Variants in PPP2R1B observed in about 807,000 individuals in gnomAD.
PPP2R1B encodes the protein serine/threonine-protein phosphatase 2A 65 kDa regulatory subunit A beta isoform.
A neutral mutation model predicts 72.7 loss-of-function variants in PPP2R1B; 58 were observed. The observed-to-expected ratio is 0.80, with a 90% CI of 0.65 to 0.99. PPP2R1B has a LOEUF of 0.99. PPP2R1B is among the 50% of genes least tolerant of loss of function. The pLI, the probability that PPP2R1B is intolerant of heterozygous loss-of-function variation, is 0.00. For missense variants in PPP2R1B, 695 were observed against 733.6 expected, an observed-to-expected ratio of 0.95 and a Z score of 0.61; for synonymous variants, 256 against 264.6, an observed-to-expected ratio of 0.97 and a Z score of 0.32.
rs372801014 is a variant in PPP2R1B at position 111,749,694 on chromosome 11, A to T, written c.1339-1680T>A. On this transcript the variant is annotated intron_variant, in intron 10 of 14. Transcript: ENST00000527614. Reference sequence around the variant, plus strand: ...TATAAAATGACTATCTGATATAAAAATATTTAGATATGAAGAGAAATTAAG... The same window carrying T: ...TATAAAATGACTATCTGATATAAAATTATTTAGATATGAAGAGAAATTAAG... Among the ~76,000 whole-genome samples the T allele has an allele frequency of 1.1e-4, 17 of 152,346 alleles. No individual in the cohort carries two copies. In the South Asian group the frequency reaches 3.5e-3, roughly 32 times the overall value.
At chr11:111,705,053 T>C in the PPP2R1B span, 1 of 1,611,842 alleles carries the variant, frequency 6.2e-7, no homozygotes, top group Admixed American at 1.7e-5. The surrounding 1 kb of genome is among the most constrained non-coding windows in gnomAD (Gnocchi z 4.3). Flanking sequence ...GCGCCTGAAA[T>C]CACATCGGAG....
chr11:111,720,079 A>G, the PPP2R1B span: 1 of 1,424,770 alleles, frequency 7.0e-7, no homozygotes, highest in South Asian at 1.2e-5. Context: ...AGTGGTCACG[A>G]TGCCAGCCAA....
Position 111,742,521 on chromosome 11 carries a change from A to C in PPP2R1B, c.1697+2T>G, listed in dbSNP as rs757503067. On this transcript the variant is annotated splice_donor_variant, in intron 13 of 14. Transcript: ENST00000527614. LOFTEE classifies it high-confidence loss of function. Reference sequence around the variant, plus strand: ...AAACAAGACTAAACACTAAAATCTTACTTGGTATCTAGAATTGGTCCAATC... The same window carrying C: ...AAACAAGACTAAACACTAAAATCTTCCTTGGTATCTAGAATTGGTCCAATC... The C allele has an allele frequency of 8.7e-6, 14 of 1,612,102 alleles. No individual in the cohort carries two copies. In the Admixed American group the frequency reaches 2.3e-4, roughly 27 times the overall value.
chr11:111,740,578 GAATT>G lies in PPP2R1B; in HGVS notation c.*1014_*1017del. 2 of 984,498 alleles carry G rather than the reference GAATT, an allele frequency of 2.0e-6. No homozygotes were observed. The highest frequency in any genetic ancestry group is 2.4e-6 in the Non-Finnish European group (2 of 829,124). 61.0% of individuals were successfully genotyped at this position (984,498 alleles called of 1,614,324 possible). On this transcript the variant is annotated 3_prime_UTR_variant, in exon 15 of 15. Coordinates refer to ENST00000527614, the MANE Select transcript of PPP2R1B (RefSeq NM_002716.5). ...GCTTAACTCATTATCTTAAATTTCA[GAATT>G]AATGAGGTTTTACTGTAAAAGTAGA...
At chr11:111,755,567 G>C in intron 5 of PPP2R1B, 117 bp from the exon 6 acceptor site, 2 of 768,144 alleles carry the variant, frequency 2.6e-6, no homozygotes, top group Non-Finnish European at 3.7e-6. Context: ...ACCTTATATA[G>C]TTTCACGTCT....
rs1250396057 is a variant in PPP2R1B, at chr11:111,753,426, C to G, written c.1164+17G>C. 6.2e-7 allele frequency: 1 copy of G among 1,606,152 alleles called. No individual in the cohort carries two copies. Among genetic ancestry groups the G allele is most frequent in the Non-Finnish European group, 8.5e-7 (1 of 1,178,026 alleles). Reference sequence around the variant, plus strand: ...CAAATTACTATCAAAGGCAACAGAACATAAAGCAAGACCCACCTCATCCTT... The same window carrying G: ...CAAATTACTATCAAAGGCAACAGAAGATAAAGCAAGACCCACCTCATCCTT... On this transcript the variant is annotated intron_variant, in intron 9 of 14. Coordinates refer to ENST00000527614, the MANE Select transcript of PPP2R1B (RefSeq NM_002716.5).
Position 111,739,009 on chromosome 11 carries a change from C to T in PPP2R1B, c.*2587G>A. ...ACATTACATGTCTGAAGCAATCAGA[C>T]AAATCCACACAGAACTGTAGTCTAA... On this transcript the variant is annotated 3_prime_UTR_variant, in exon 15 of 15. Coordinates refer to ENST00000527614, the MANE Select transcript of PPP2R1B (RefSeq NM_002716.5). The T allele has an allele frequency of 2.0e-6, 2 of 985,102 alleles. No individual in the cohort carries two copies. Among genetic ancestry groups the T allele is most frequent in the Non-Finnish European group, 2.4e-6 (2 of 829,894 alleles). The allele number at this position is 985,102 out of a possible 1,614,324, so 61.0% of individuals were successfully genotyped here.
Position 111,741,433 on chromosome 11 carries a change from T to C in PPP2R1B, c.*163A>G. 1.4e-6 allele frequency: 2 copies of C among 1,429,824 alleles called. No individual in the cohort carries two copies. The highest frequency in any genetic ancestry group is 9.1e-7 in the Non-Finnish European group (1 of 1,094,142). 88.6% of individuals were successfully genotyped at this position (1,429,824 alleles called of 1,614,324 possible). ...ACGAGTAAAAAACAATCCCATTTCA[T>C]CTTTAGAAAGAATTAAGTCACTAAA... On this transcript the variant is annotated 3_prime_UTR_variant, in exon 15 of 15. Coordinates refer to ENST00000527614, the MANE Select transcript of PPP2R1B (RefSeq NM_002716.5).
At chr11:111,742,003 T>A (rs760066413) in intron 14 of PPP2R1B, 50 bp downstream of exon 14, 3 of 1,432,868 alleles carry the variant, frequency 2.1e-6, no homozygotes, top group Non-Finnish European at 3.0e-6. Context: ...TAGAGATAAA[T>A]CCCAGTTAAC....
rs946640549 is a variant in PPP2R1B at position 111,738,872 on chromosome 11, G to A, written c.*2724C>T. 1.7e-4 allele frequency: 163 copies of A among 975,368 alleles called. No homozygotes were observed. Among genetic ancestry groups the A allele is most frequent in the Middle Eastern group, 5.2e-4 (1 of 1,908 alleles). 60.4% of individuals were successfully genotyped at this position (975,368 alleles called of 1,614,324 possible). A position where few individuals can be genotyped will look rare whatever the true frequency, so the allele number is the denominator to read the frequency against. On this transcript the variant is annotated 3_prime_UTR_variant, in exon 15 of 15. Transcript: ENST00000527614. Reference sequence around the variant, plus strand: ...TTGCTGAGACATTTTTATTGGCATAGGTTATATGTTTGTGTGTGTGTGTGT... The same window carrying A: ...TTGCTGAGACATTTTTATTGGCATAAGTTATATGTTTGTGTGTGTGTGTGT...
intron 8 of PPP2R1B, among the ~76,000 whole-genome samples, chr11:111,753,792 C>G (rs1206892959): frequency 2.0e-5 from 3 of 151,832 alleles, no homozygotes; most frequent in African/African-American, 7.3e-5. Context: ...TAATTTTTTT[C>G]ATTTTTTGCA....
intron 11 of PPP2R1B, among the ~76,000 whole-genome samples, chr11:111,746,149 T>C: frequency 6.6e-6 from 1 of 152,206 alleles, no homozygotes; most frequent in Non-Finnish European, 1.5e-5. Context: ...CTTTAAAAAT[T>C]CCTCAAAATA....
the PPP2R1B span, among the ~76,000 whole-genome samples, chr11:111,700,219 A>AAGGCCATTAACTGTTTTGAACT: frequency 6.6e-6 from 1 of 152,190 alleles, no homozygotes; most frequent in African/African-American, 2.4e-5. Flanking sequence ...TCATAAGGAG[A>AAGGCCATTAACTGTTTTGAACT]AGGCCATTAA....
chr11:111,758,921 A>C (rs1945226466), intron 5 of PPP2R1B, among the ~76,000 whole-genome samples: 1 of 152,230 alleles, frequency 6.6e-6, no homozygotes, highest in Non-Finnish European at 1.5e-5. Flanking sequence ...TTAGGATCTG[A>C]AAATGAGACT....
intron 15 of PPP2R1B, among the ~76,000 whole-genome samples, chr11:111,732,357 G>A (rs935703194): frequency 1.3e-5 from 2 of 152,222 alleles, no homozygotes; most frequent in Non-Finnish European, 2.9e-5. Context: ...CTCCCCACCA[G>A]GGACCAAAGT....
the PPP2R1B span, chr11:111,720,081 G>A: frequency 7.2e-7 from 1 of 1,392,754 alleles, no homozygotes; most frequent in Non-Finnish European, 9.9e-7. Context: ...TGGTCACGAT[G>A]CCAGCCAACA....
At chr11:111,748,129 C>A in intron 10 of PPP2R1B, 115 bp from the exon 11 acceptor site, 1 of 792,982 alleles carries the variant, frequency 1.3e-6, no homozygotes, top group Non-Finnish European at 2.0e-6. Context: ...TCCAAATAAA[C>A]AAATAAGAGA....
chr11:111,693,115 C>G, the PPP2R1B span, among the ~76,000 whole-genome samples: 1 of 151,968 alleles, frequency 6.6e-6, no homozygotes, highest in African/African-American at 2.4e-5. Context: ...GGGCGGATCA[C>G]GAGGGCAGGA....
At chr11:111,722,768 A>C (rs762202920), downstream of PPP2R1B, 1 of 1,610,664 alleles carries the variant, frequency 6.2e-7, no homozygotes, top group Non-Finnish European at 8.5e-7. This position sits in a 1 kb window ranked among gnomAD's most constrained non-coding sequence, Gnocchi z 4.4. Context: ...TGAGAAGGGG[A>C]CTTTGGCCAA....
Sources: gnomAD v4.1 joint callset for allele counts (sites outside exome capture counted in the v4.1 genomes callset) on GRCh38, gnomAD v4.1.1 for gene constraint, Gnocchi (gnomAD v3.1) non-coding constraint, MANE v1.5 for transcripts, NCBI Gene and HGNC (gene_info 2026-07-23, HGNC 2026-07-21) for gene names.